Variants in WDR86 observed in about 807,000 individuals in gnomAD.
WDR86 encodes WD repeat domain 86.
Under a neutral mutation model 36.5 loss-of-function variants are expected in WDR86, and 30 were observed. The observed-to-expected ratio is 0.82, with a 90% CI of 0.61 to 1.11. The LOEUF (loss-of-function observed/expected upper bound fraction) is 1.11, where lower values mean the gene tolerates loss of function less well. Among genes scored for constraint, WDR86 ranks in the 50% most tolerant of loss-of-function variants. WDR86 has a pLI of 0.00. For synonymous variants in WDR86, 255 were observed against 252.9 expected (o/e 1.01, Z -0.08); for missense variants, 545 against 561.2 (o/e 0.97, Z 0.29).
chr7:151,376,853 T>A (rs756432557), downstream of WDR86: 183 of 1,536,278 alleles, frequency 1.2e-4, no homozygotes, highest in South Asian at 9.2e-4. Context: ...GAGCAAAGTG[T>A]CTTCAGAAGC....
chr7:151,408,498 A>T (rs1319217892), intron 1 of WDR86: 1 of 172,316 alleles, frequency 5.8e-6, no homozygotes, highest in Non-Finnish European at 1.3e-5. Flanking sequence ...GAGCCTGGTC[A>T]ACTGTTCTTA....
downstream of WDR86, among the ~76,000 whole-genome samples, chr7:151,379,058 C>G (rs952666688): frequency 1.3e-5 from 2 of 152,022 alleles, no homozygotes; most frequent in Non-Finnish European, 2.9e-5. Context: ...GAGGAGAGGC[C>G]GTTGCAGAGG....
downstream of WDR86, among the ~76,000 whole-genome samples, chr7:151,372,888 G>A (rs545228643): frequency 6.9e-4 from 105 of 152,188 alleles, 1 homozygote; most frequent in African/African-American, 2.2e-3. Flanking sequence ...GGGAGCTGGC[G>A]CTGTGGGCAC....
downstream of WDR86, chr7:151,374,620 T>G (rs905977080): frequency 7.1e-6 from 2 of 281,058 alleles, no homozygotes; most frequent in South Asian, 9.7e-5. Flanking sequence ...AAATTTTAAA[T>G]GTAAGTATCT....
At chr7:151,387,384 C>T (rs960477350) in intron 3 of WDR86, among the ~76,000 whole-genome samples, 5 of 152,092 alleles carry the variant, frequency 3.3e-5, no homozygotes, top group African/African-American at 4.8e-5. Flanking sequence ...AGCACCCTGC[C>T]GAACATGAGC....
At position 151,409,330 on chromosome 7, in the gene WDR86, C is replaced by A. The variant is rs769750814; in HGVS notation, c.163+97G>T. ...TGTGCCGGGATGAGCGGGGGCTGGA[C>A]TTCTAGAAAGGGGTCTGCGGGCGCA... On this transcript the variant is annotated intron_variant, in intron 1 of 5. Transcript: ENST00000334493. This position sits in a 1 kb window ranked among gnomAD's most constrained non-coding sequence, Gnocchi z 5.2. The A allele has an allele frequency of 6.6e-7, 1 of 1,513,132 alleles. No individual in the cohort carries two copies. The highest frequency in any genetic ancestry group is 2.0e-5 in the Admixed American group (1 of 49,928). 93.7% of individuals were successfully genotyped at this position (1,513,132 alleles called of 1,614,324 possible). A position where few individuals can be genotyped will look rare whatever the true frequency, so the allele number is the denominator to read the frequency against.
Position 151,401,559 on chromosome 7 carries a change from G to A in WDR86, c.164-1318C>T, listed in dbSNP as rs749646941. Among the ~76,000 whole-genome samples the A allele has an allele frequency of 1.3e-5, 2 of 152,204 alleles. No individual in the cohort carries two copies. The highest frequency in any genetic ancestry group is 2.9e-5 in the Non-Finnish European group (2 of 68,042). ...GACTGAGGACAGAGGCAGCCGCAGA[G>A]GGAATGGCACATGTTCGCTATTTTC... On this transcript the variant is annotated intron_variant, in intron 1 of 5. Coordinates refer to ENST00000334493, the MANE Select transcript of WDR86 (RefSeq NM_198285.3). This position sits in a 1 kb window ranked among gnomAD's most constrained non-coding sequence, Gnocchi z 4.3.
chr7:151,371,245 G>A (rs1797942502), downstream of WDR86, among the ~76,000 whole-genome samples: 2 of 152,206 alleles, frequency 1.3e-5, no homozygotes, highest in African/African-American at 2.4e-5. Flanking sequence ...GGGATGTGGT[G>A]GGATTTATTG....
At chr7:151,380,187 C>T (rs59268089), downstream of WDR86, among the ~76,000 whole-genome samples, 1,553 of 152,266 alleles carry the variant, frequency 0.01, 31 homozygotes, top group African/African-American at 0.035. Flanking sequence ...GGGTCGGGGG[C>T]ACTTTGGTTC....
chr7:151,392,975 A>C (rs1261909523), intron 3 of WDR86, among the ~76,000 whole-genome samples: 1 of 151,782 alleles, frequency 6.6e-6, no homozygotes, highest in Admixed American at 6.5e-5. Context: ...CACCTGGGCC[A>C]GGCTGTCCCT....
exon 2 of WDR86, chr7:151,375,984 G>A (rs779914273): frequency 1.3e-5 from 17 of 1,348,326 alleles, no homozygotes; most frequent in East Asian, 6.9e-5. Flanking sequence ...GGACAGCCTC[G>A]GGTGGGGTTG....
rs986491921 is a variant in WDR86 at position 151,381,561 on chromosome 7, G to A, written c.*21C>T. 11 of 1,379,600 alleles carry A rather than the reference G, an allele frequency of 8.0e-6. No individual in the cohort carries two copies. The African/African-American group carries it at 1.4e-4, about 17-fold the overall frequency. The allele number at this position is 1,379,600 out of a possible 1,614,324, so 85.5% of individuals were successfully genotyped here. A position where few individuals can be genotyped will look rare whatever the true frequency, so the allele number is the denominator to read the frequency against. ...GGAGCCGCTGGGTGTCTGGGCTGGC[G>A]TCTGCAGGGGCCCCGCGGGATCAGG... On this transcript the variant is annotated 3_prime_UTR_variant, in exon 6 of 6. Coordinates refer to ENST00000334493, the MANE Select transcript of WDR86 (RefSeq NM_198285.3). The surrounding 1 kb of genome is among the most constrained non-coding windows in gnomAD (Gnocchi z 4.8).
At chr7:151,371,431 C>T (rs1797955173), downstream of WDR86, among the ~76,000 whole-genome samples, 1 of 141,756 alleles carries the variant, frequency 7.1e-6, no homozygotes, top group Admixed American at 7.7e-5. Context: ...CCAGAATCCT[C>T]AGGGAAAATC....
chr7:151,372,111 AC>A (rs1458959911), downstream of WDR86, among the ~76,000 whole-genome samples: 1 of 152,234 alleles, frequency 6.6e-6, no homozygotes, highest in Non-Finnish European at 1.5e-5. Flanking sequence ...AACGGAGCTC[AC>A]AGATCATGCT....
At chr7:151,389,378 AAAG>A (rs1799239509) in intron 3 of WDR86, among the ~76,000 whole-genome samples, 1 of 152,152 alleles carries the variant, frequency 6.6e-6, no homozygotes, top group Admixed American at 6.5e-5. Context: ...TCCATAAATC[AAAG>A]AAGCCTGACC....
At chr7:151,373,534 G>C (rs1798054735), downstream of WDR86, among the ~76,000 whole-genome samples, 1 of 152,212 alleles carries the variant, frequency 6.6e-6, no homozygotes, top group Non-Finnish European at 1.5e-5. Flanking sequence ...TGGGCACTCT[G>C]TGGGTTCCGA....
upstream of WDR86, among the ~76,000 whole-genome samples, chr7:151,410,297 G>A (rs1388914502): frequency 2.0e-5 from 3 of 152,208 alleles, no homozygotes; most frequent in Admixed American, 1.3e-4. Flanking sequence ...AAAGGGTCGG[G>A]GTCGGGGAGA....
chr7:151,398,887 C>T (rs1180408359), intron 2 of WDR86, among the ~76,000 whole-genome samples: 3 of 152,186 alleles, frequency 2.0e-5, no homozygotes, highest in Non-Finnish European at 4.4e-5. Flanking sequence ...CCCATTGCAG[C>T]CTCTGCCTGA....
rs752099154 is a variant in WDR86 at position 151,396,062 on chromosome 7, G to T, written c.440C>A (p.Ala147Asp). Residue 147 changes from alanine (A) to aspartate (D), a missense_variant, in exon 3 of 6, where the codon GCC (alanine) becomes GAC (aspartate). By Grantham distance (126) the Ala-to-Asp change is moderately radical. Transcript: ENST00000334493. The stretch of plus-strand genomic sequence containing the variant: ...GGGAGTGCTGGGGAGGTCCCACGGG[G>T]CAGAGTAGGCTAGGGTCAGCACGCA... ...RNCVLTLAYSAPWDLPSTPCA... is the reference protein window; with the variant it reads ...RNCVLTLAYSDPWDLPSTPCA... 1.3e-5 allele frequency: 21 copies of T among 1,612,316 alleles called. No homozygotes were observed. The Admixed American group carries it at 3.3e-4, about 26-fold the overall frequency.
Sources: allele counts gnomAD v4.1 joint callset (sites outside exome capture counted in the v4.1 genomes callset), GRCh38; gene constraint gnomAD v4.1.1; non-coding constraint Gnocchi (gnomAD v3.1); transcripts MANE v1.5; gene names NCBI Gene and HGNC (gene_info 2026-07-23, HGNC 2026-07-21).